WWOX: variants seen among roughly 807,000 people sequenced by gnomAD.
WWOX encodes WW domain containing oxidoreductase.
A neutral mutation model predicts 46.2 loss-of-function variants in WWOX; 69 were observed. That is an observed-to-expected ratio of 1.49 (90% CI 1.23 to 1.82). The LOEUF (loss-of-function observed/expected upper bound fraction) is 1.82. Ranked by LOEUF, WWOX falls within the 40% of genes most tolerant of loss-of-function variation. WWOX has a pLI of 0.00. For synonymous variants in WWOX, 359 were observed against 202.6 expected, an observed-to-expected ratio of 1.77 and a Z score of -6.56; for missense variants, 919 against 542.6, an observed-to-expected ratio of 1.69 and a Z score of -6.89.
At chr16:78,870,262 A>G (rs531455755) in intron 8 of WWOX, among the ~76,000 whole-genome samples, 182 of 152,304 alleles carry the variant, frequency 1.2e-3, no homozygotes, top group African/African-American at 2.9e-3. Flanking sequence ...CTTGATGACA[A>G]TGACCCAGTT....
At chr16:78,203,014 G>T (rs990317076) in intron 5 of WWOX, among the ~76,000 whole-genome samples, 4 of 152,114 alleles carry the variant, frequency 2.6e-5, no homozygotes, top group African/African-American at 9.7e-5. Context: ...GAAGTAAAGG[G>T]AATAGAATTA....
chr16:78,702,045 A>ATATATATATATATATATAT (rs1491253055), intron 8 of WWOX, among the ~76,000 whole-genome samples: 10 of 121,972 alleles, frequency 8.2e-5, no homozygotes, highest in Non-Finnish European at 1.2e-4. Flanking sequence ...ATATATATAT[A>ATATATATATATATATATAT]AAATAATGCA....
At chr16:78,966,490 C>G (rs1401375954) in intron 8 of WWOX, among the ~76,000 whole-genome samples, 3 of 152,012 alleles carry the variant, frequency 2.0e-5, no homozygotes, top group African/African-American at 7.3e-5. Context: ...GCTATAAATT[C>G]CACTTAGTGG....
chr16:78,998,786 C>T (rs1362714839), intron 8 of WWOX, among the ~76,000 whole-genome samples: 1 of 152,192 alleles, frequency 6.6e-6, no homozygotes, highest in African/African-American at 2.4e-5. Context: ...TTGAAAGTGC[C>T]AGTCTGATCC....
At chr16:78,984,842 A>T (rs2046753275) in intron 8 of WWOX, among the ~76,000 whole-genome samples, 1 of 152,168 alleles carries the variant, frequency 6.6e-6, no homozygotes, top group Admixed American at 6.5e-5. Flanking sequence ...AACAGAAAGG[A>T]GAAAGACGAG....
At chr16:78,623,717 A>G (rs774310973) in intron 8 of WWOX, among the ~76,000 whole-genome samples, 1 of 141,224 alleles carries the variant, frequency 7.1e-6, no homozygotes, top group Non-Finnish European at 1.5e-5. Context: ...CCTGGGCAAC[A>G]GAGTCAGACT....
chr16:78,112,434 A>G (rs1356282881), intron 3 of WWOX, among the ~76,000 whole-genome samples: 1 of 152,082 alleles, frequency 6.6e-6, no homozygotes, highest in Non-Finnish European at 1.5e-5. Flanking sequence ...GTGTTTTTTG[A>G]GCAAACCTGG....
intron 8 of WWOX, among the ~76,000 whole-genome samples, chr16:78,798,799 G>C (rs372892625): frequency 1.3e-5 from 2 of 152,208 alleles, no homozygotes; most frequent in East Asian, 1.9e-4. Flanking sequence ...GAAGGACACT[G>C]GTCTATTGAG....
chr16:78,342,096 G>A (rs2081026522), intron 5 of WWOX, among the ~76,000 whole-genome samples: 1 of 121,234 alleles, frequency 8.2e-6, no homozygotes, highest in Admixed American at 8.0e-5. Context: ...AATTTAGGCA[G>A]CAGAATGAGA....
intron 8 of WWOX, among the ~76,000 whole-genome samples, chr16:79,191,193 A>G (rs1338100280): frequency 6.6e-6 from 1 of 152,022 alleles, no homozygotes; most frequent in Non-Finnish European, 1.5e-5. Flanking sequence ...AGCTGGGACT[A>G]CAGGCACCTG....
intron 6 of WWOX, among the ~76,000 whole-genome samples, chr16:78,407,917 C>T (rs1335968469): frequency 6.6e-6 from 1 of 152,134 alleles, no homozygotes. Context: ...GATTATGGCA[C>T]ATGGTAGAAA....
chr16:78,412,744 T>C, intron 6 of WWOX, among the ~76,000 whole-genome samples: 1 of 152,138 alleles, frequency 6.6e-6, no homozygotes, highest in Non-Finnish European at 1.5e-5. Flanking sequence ...CAGGCAGTTT[T>C]GAGAGGTTCT....
intron 8 of WWOX, among the ~76,000 whole-genome samples, chr16:78,801,498 G>C (rs983092680): frequency 6.6e-6 from 1 of 152,174 alleles, no homozygotes; most frequent in Non-Finnish European, 1.5e-5. Flanking sequence ...GACAAGGCTA[G>C]ACCCTATCTC....
intron 8 of WWOX, among the ~76,000 whole-genome samples, chr16:78,687,173 A>C (rs1339131198): frequency 2.0e-5 from 3 of 152,164 alleles, no homozygotes; most frequent in Non-Finnish European, 2.9e-5. Flanking sequence ...TCATATTTAC[A>C]CTGTTCAACA....
chr16:78,452,878 T>TATATATATATATATATATACAC (rs752791786), intron 8 of WWOX, among the ~76,000 whole-genome samples: 2 of 143,020 alleles, frequency 1.4e-5, no homozygotes, highest in Non-Finnish European at 3.0e-5. Context: ...TATATATATA[T>TATATATATATATATATATACAC]ATACATATTT....
intron 8 of WWOX, among the ~76,000 whole-genome samples, chr16:78,497,916 CA>C (rs778006949): frequency 6.6e-6 from 1 of 151,336 alleles, no homozygotes; most frequent in African/African-American, 2.4e-5. Flanking sequence ...AACAAAGCAT[CA>C]GGGGGCTGGG....
chr16:78,661,151 A>G (rs545694826), intron 8 of WWOX, among the ~76,000 whole-genome samples: 1 of 152,282 alleles, frequency 6.6e-6, no homozygotes, highest in East Asian at 1.9e-4. Context: ...AATTAACTTC[A>G]CCAAAATTAC....
intron 8 of WWOX, among the ~76,000 whole-genome samples, chr16:78,679,238 G>A (rs911027959): frequency 5.9e-5 from 9 of 152,274 alleles, no homozygotes; most frequent in East Asian, 3.9e-4. Flanking sequence ...CCATGATGGC[G>A]TTGAGGTAGA....
intron 8 of WWOX, among the ~76,000 whole-genome samples, chr16:79,201,484 A>G (rs528723763): frequency 2.0e-5 from 3 of 152,196 alleles, no homozygotes; most frequent in African/African-American, 4.8e-5. Context: ...GCATTCTTCA[A>G]GGGCTCCAGA....
Sources: allele counts gnomAD v4.1 joint callset (sites outside exome capture counted in the v4.1 genomes callset), GRCh38; gene constraint gnomAD v4.1.1; transcripts MANE v1.5; gene names NCBI Gene and HGNC (gene_info 2026-07-23, HGNC 2026-07-21).